AFF4: variants seen among roughly 807,000 people sequenced by gnomAD.
The protein encoded by AFF4 is AF4/FMR2 family member 4.
A neutral mutation model predicts 124.8 loss-of-function variants in AFF4; 13 were observed. That is an observed-to-expected ratio of 0.10 (90% CI 0.07 to 0.17). The LOEUF (loss-of-function observed/expected upper bound fraction) is 0.17. AFF4 is among the 10% of genes least tolerant of loss of function. The pLI is 1.00. For synonymous variants in AFF4, 477 were observed against 496.1 expected, an observed-to-expected ratio of 0.96 and a Z score of 0.51; for missense variants, 1,092 against 1,403.8, an observed-to-expected ratio of 0.78 and a Z score of 3.55.
intron 4 of AFF4, 102 bp from the exon 5 acceptor site, chr5:132,927,309 T>C (rs1761194829): frequency 1.1e-6 from 1 of 950,510 alleles, no homozygotes. Flanking sequence ...TCATGACAGC[T>C]CCTCCAAAAT....
intron 1 of AFF4, among the ~76,000 whole-genome samples, chr5:132,959,228 C>T (rs1426097390): frequency 3.3e-5 from 5 of 151,490 alleles, no homozygotes; most frequent in Non-Finnish European, 7.4e-5. Context: ...CAGGTTCAAG[C>T]GATTCTCCTG....
intron 5 of AFF4, among the ~76,000 whole-genome samples, chr5:132,905,046 CTCAA>C (rs1760639737): frequency 1.5e-5 from 1 of 66,720 alleles, no homozygotes; most frequent in Non-Finnish European, 3.1e-5. Flanking sequence ...GAGACTCCAT[CTCAA>C]AAAAAAAAAA....
At chr5:132,928,739 T>G (rs1417525942) in intron 4 of AFF4, among the ~76,000 whole-genome samples, 3 of 152,194 alleles carry the variant, frequency 2.0e-5, no homozygotes, top group Non-Finnish European at 4.4e-5. Flanking sequence ...TTTTATTAAG[T>G]GACAAAGACA....
rs1278992253 is a variant in AFF4, at chr5:132,883,384, G to A, written c.3320C>T (p.Thr1107Ile). 1 of 1,613,862 alleles carries A rather than the reference G, an allele frequency of 6.2e-7. No individual in the cohort carries two copies. The highest frequency in any genetic ancestry group is 8.5e-7 in the Non-Finnish European group (1 of 1,180,010). ...CTGTTCAGCTTGGTCCCAAATTTCG[G>A]TGGCATAGAGGAAGTTGGATGTGAC... ...VQVTSNFLYATEIWDQAEQLS... is the reference protein window; with the variant it reads ...VQVTSNFLYAIEIWDQAEQLS... The change falls in exon 20 of 21, where the codon ACC becomes ATC. Residue 1107 changes from threonine (T) to isoleucine (I), a missense_variant. Coordinates refer to ENST00000265343, the MANE Select transcript of AFF4 (RefSeq NM_014423.4).
In AFF4 at chr5:132,885,164, C is replaced by G. The variant is rs777382796; in HGVS notation, c.3100-45G>C. On this transcript the variant is annotated intron_variant, in intron 18 of 20. Coordinates refer to ENST00000265343, the MANE Select transcript of AFF4 (RefSeq NM_014423.4). ...TACTTAACAACAACAAAAACCACCA[C>G]TACTTTAAGAAGTTCTAAATATATT... is the stretch of plus-strand genomic sequence containing the variant. The G allele has an allele frequency of 6.3e-6, 9 of 1,430,138 alleles. No homozygotes were observed. In the Admixed American group the frequency reaches 1.4e-4, roughly 22 times the overall value. The allele number at this position is 1,430,138 out of a possible 1,614,324, so 88.6% of individuals were successfully genotyped here. A position where few individuals can be genotyped will look rare whatever the true frequency, so the allele number is the denominator to read the frequency against.
In AFF4 at chr5:132,891,445, G is replaced by A. The variant is rs1760254475; in HGVS notation, c.2637+719C>T. ...AACAGTTTAGAAAGCAAACAACCTG[G>A]TAAACAAATTGAGGTTGAGTGACTA... On this transcript the variant is annotated intron_variant, in intron 13 of 20. Coordinates refer to ENST00000265343, the MANE Select transcript of AFF4 (RefSeq NM_014423.4). Among the ~76,000 whole-genome samples the A allele has an allele frequency of 2.0e-5, 3 of 152,050 alleles. No homozygotes were observed. In the South Asian group the frequency reaches 6.2e-4, roughly 32 times the overall value.
At chr5:132,919,209 G>A (rs1487499523) in intron 5 of AFF4, among the ~76,000 whole-genome samples, 1 of 152,098 alleles carries the variant, frequency 6.6e-6, no homozygotes, top group Non-Finnish European at 1.5e-5. Context: ...AAAATGCAAA[G>A]AGCCTAGAAA....
chr5:132,957,235 G>C (rs547433314), intron 1 of AFF4, among the ~76,000 whole-genome samples: 50 of 151,536 alleles, frequency 3.3e-4, no homozygotes, highest in African/African-American at 8.9e-4. Context: ...TAGCTACTTG[G>C]AAGGCTGAGG....
intron 19 of AFF4, among the ~76,000 whole-genome samples, chr5:132,884,744 A>T (rs10491278): frequency 1.3e-5 from 2 of 152,120 alleles, no homozygotes; most frequent in Non-Finnish European, 2.9e-5. Context: ...ATTGTTACTA[A>T]ATTCTGGCAG....
chr5:132,891,920 T>C lies in AFF4; in HGVS notation c.2637+244A>G, dbSNP rs1447883503. On this transcript the variant is annotated intron_variant, in intron 13 of 20. Transcript: ENST00000265343. ...TCTTAGCCTCCCAAATAGCTGGGACTACAGGTATGAGCCACTGTACCCAAG... is the reference window on the plus strand; with the variant it reads ...TCTTAGCCTCCCAAATAGCTGGGACCACAGGTATGAGCCACTGTACCCAAG... 6.8e-6 allele frequency: 4 copies of C among 592,576 alleles called. No homozygotes were observed. In the Admixed American group the frequency reaches 9.0e-5, roughly 13 times the overall value. 36.7% of individuals were successfully genotyped at this position (592,576 alleles called of 1,614,324 possible). A position where few individuals can be genotyped will look rare whatever the true frequency, so the allele number is the denominator to read the frequency against.
At chr5:132,957,783 G>A (rs573269280) in intron 1 of AFF4, among the ~76,000 whole-genome samples, 29 of 151,856 alleles carry the variant, frequency 1.9e-4, no homozygotes, top group Non-Finnish European at 3.2e-4. Context: ...GAAAATACAA[G>A]GGACAAAAGA....
At chr5:132,888,041 AGAT>A in intron 15 of AFF4, 53 bp downstream of exon 15, 1 of 1,606,866 alleles carries the variant, frequency 6.2e-7, no homozygotes, top group Non-Finnish European at 8.5e-7. Flanking sequence ...AAACATCAGA[AGAT>A]TACTTAAGTT....
intron 5 of AFF4, among the ~76,000 whole-genome samples, chr5:132,905,706 A>T (rs1413546419): frequency 6.6e-6 from 1 of 152,216 alleles, no homozygotes; most frequent in Non-Finnish European, 1.5e-5. Context: ...TATAAATGTA[A>T]AAGCTAGAGC....
intron 1 of AFF4, among the ~76,000 whole-genome samples, chr5:132,939,810 C>T (rs1321995582): frequency 2.0e-5 from 3 of 152,140 alleles, no homozygotes; most frequent in African/African-American, 4.8e-5. Flanking sequence ...GGGGTTTCAC[C>T]GAGTTGGCCA....
chr5:132,888,307 ATGT>A (rs1226991675), intron 14 of AFF4, 147 bp from the exon 15 acceptor site: 1 of 652,182 alleles, frequency 1.5e-6, no homozygotes, highest in Non-Finnish European at 2.5e-6. Flanking sequence ...TTTCTGACAA[ATGT>A]TTATATCAGG....
At chr5:132,921,792 T>TC (rs922536967) in intron 5 of AFF4, among the ~76,000 whole-genome samples, 9 of 151,608 alleles carry the variant, frequency 5.9e-5, no homozygotes, top group East Asian at 1.9e-4. Flanking sequence ...ATTTTTTCTT[T>TC]CCCCCCCAGA....
rs1443941113 is a variant in AFF4 at position 132,881,067 on chromosome 5, T to C, written c.3484A>G (p.Ile1162Val). 1.9e-6 allele frequency: 3 copies of C among 1,613,356 alleles called. No homozygotes were observed. The highest frequency in any genetic ancestry group is 2.5e-6 in the Non-Finnish European group (3 of 1,179,802). Reference protein sequence around the residue: ...LHWLRQDAKLIS With the variant: ...LHWLRQDAKLVS ...ACGAGAATGTGTTCAGTTCAAGATATCAACTTGGCATCCTGGCGAAGCCAG... is the reference window on the plus strand; with the variant it reads ...ACGAGAATGTGTTCAGTTCAAGATACCAACTTGGCATCCTGGCGAAGCCAG... Residue 1162 changes from isoleucine to valine, a missense_variant, in exon 21 of 21, where the codon ATA (isoleucine) becomes GTA (valine). Physicochemically the swap from Ile to Val is conservative, Grantham distance 29 (BLOSUM62 3). Transcript: ENST00000265343.
chr5:132,957,009 G>C (rs1316575141), intron 1 of AFF4, among the ~76,000 whole-genome samples: 1 of 100,366 alleles, frequency 1.0e-5, no homozygotes, highest in Non-Finnish European at 1.8e-5. Flanking sequence ...GACAGTGTGA[G>C]ACTTCGTCTC....
chr5:132,958,618 G>A (rs1581342903), intron 1 of AFF4, among the ~76,000 whole-genome samples: 1 of 152,030 alleles, frequency 6.6e-6, no homozygotes, highest in Non-Finnish European at 1.5e-5. Flanking sequence ...AATTTTAACA[G>A]GTAAGAAACA....
Sources: allele counts gnomAD v4.1 joint callset (sites outside exome capture counted in the v4.1 genomes callset), GRCh38; gene constraint gnomAD v4.1.1; transcripts MANE v1.5; gene names NCBI Gene and HGNC (gene_info 2026-07-23, HGNC 2026-07-21).